ESRRG: variants seen among roughly 807,000 people sequenced by gnomAD.
ESRRG encodes the protein estrogen related receptor gamma.
A neutral mutation model predicts 44.0 loss-of-function variants in ESRRG; 13 were observed. That is an observed-to-expected ratio of 0.30 (90% CI 0.19 to 0.47). The LOEUF (loss-of-function observed/expected upper bound fraction) is 0.47. Ranked by LOEUF, ESRRG falls within the 20% of genes least tolerant of loss-of-function variation. ESRRG has a pLI of 1.00. For missense variants in ESRRG, 395 were observed against 580.6 expected (o/e 0.68, Z 3.29); for synonymous variants, 215 against 214.6 (o/e 1.00, Z -0.02).
chr1:216,985,594 C>T (rs1180886985), intron 1 of ESRRG, among the ~76,000 whole-genome samples: 1 of 152,154 alleles, frequency 6.6e-6, no homozygotes, highest in Non-Finnish European at 1.5e-5. Context: ...TGGAATAAAA[C>T]TCACCTCTTC....
intron 1 of ESRRG, among the ~76,000 whole-genome samples, chr1:217,001,427 A>G (rs894846580): frequency 1.6e-4 from 25 of 152,338 alleles, no homozygotes; most frequent in African/African-American, 6.0e-4. Flanking sequence ...CTACTCTTCC[A>G]TTAATAATTC....
chr1:217,103,929 G>C (rs552931082), intron 1 of ESRRG, among the ~76,000 whole-genome samples: 4 of 152,222 alleles, frequency 2.6e-5, no homozygotes, highest in Admixed American at 2.6e-4. Flanking sequence ...GAAATAGTAG[G>C]GGAAAATATC....
chr1:216,833,666 T>A (rs1353590665), intron 2 of ESRRG, among the ~76,000 whole-genome samples: 1 of 152,194 alleles, frequency 6.6e-6, no homozygotes, highest in East Asian at 1.9e-4. Context: ...AGAAAGATCA[T>A]CTGTCTAAAT....
At chr1:216,797,523 A>G (rs1435997421) in intron 2 of ESRRG, among the ~76,000 whole-genome samples, 6 of 152,002 alleles carry the variant, frequency 3.9e-5, no homozygotes, top group Non-Finnish European at 5.9e-5. Context: ...ATAAATTCCT[A>G]TTAGGAAAAC....
At chr1:216,615,535 G>A (rs1361374335) in intron 3 of ESRRG, among the ~76,000 whole-genome samples, 6 of 152,234 alleles carry the variant, frequency 3.9e-5, no homozygotes, top group African/African-American at 9.6e-5. Flanking sequence ...CCAGTTCTTG[G>A]CATTTCAGAG....
At chr1:217,085,495 T>A (rs2092029436) in intron 1 of ESRRG, among the ~76,000 whole-genome samples, 1 of 132,532 alleles carries the variant, frequency 7.5e-6, no homozygotes, top group Non-Finnish European at 1.6e-5. Flanking sequence ...TTTTTTTTTT[T>A]TTTTTTTTTT....
intron 1 of ESRRG, among the ~76,000 whole-genome samples, chr1:217,006,261 G>A (rs973814104): frequency 6.6e-6 from 1 of 152,026 alleles, no homozygotes; most frequent in Non-Finnish European, 1.5e-5. Flanking sequence ...ATAATATGAT[G>A]ATTAGGTAAT....
intron 2 of ESRRG, among the ~76,000 whole-genome samples, chr1:216,823,530 G>C (rs918440851): frequency 1.2e-4 from 18 of 151,984 alleles, no homozygotes; most frequent in African/African-American, 4.3e-4. Context: ...TTACTGCTTG[G>C]ATATGGGTTT....
chr1:216,749,661 T>C (rs551248387), intron 2 of ESRRG, among the ~76,000 whole-genome samples: 1 of 152,196 alleles, frequency 6.6e-6, no homozygotes, highest in Non-Finnish European at 1.5e-5. Context: ...TGAGCAATGC[T>C]ATTTTTAATA....
chr1:216,850,492 T>C (rs2095824832), intron 2 of ESRRG, among the ~76,000 whole-genome samples: 1 of 152,074 alleles, frequency 6.6e-6, no homozygotes, highest in Non-Finnish European at 1.5e-5. Context: ...ACCAAAACCT[T>C]ATGTAGAAGT....
chr1:216,769,740 T>C (rs182042799), intron 2 of ESRRG, among the ~76,000 whole-genome samples: 1 of 152,126 alleles, frequency 6.6e-6, no homozygotes, highest in East Asian at 1.9e-4. Context: ...TAAGGACAAA[T>C]TGTCAGGAAT....
chr1:217,045,768 C>T (rs748620306), intron 1 of ESRRG, among the ~76,000 whole-genome samples: 9 of 152,046 alleles, frequency 5.9e-5, no homozygotes, highest in Non-Finnish European at 7.4e-5. Context: ...TTCACCCAAC[C>T]GGTCAGAGAT....
At chr1:217,117,929 C>A (rs560607322) in intron 1 of ESRRG, among the ~76,000 whole-genome samples, 1 of 152,134 alleles carries the variant, frequency 6.6e-6, no homozygotes, top group South Asian at 2.1e-4. Flanking sequence ...GTTCAAAATT[C>A]TTTACATTTC....
intron 5 of ESRRG, among the ~76,000 whole-genome samples, chr1:216,563,070 G>A (rs2059078756): frequency 6.6e-6 from 1 of 152,144 alleles, no homozygotes; most frequent in Non-Finnish European, 1.5e-5. Context: ...GTCTTCTAAA[G>A]AATATACAAG....
At chr1:216,748,778 C>T (rs1036755494) in intron 2 of ESRRG, among the ~76,000 whole-genome samples, 6 of 152,108 alleles carry the variant, frequency 3.9e-5, no homozygotes, top group African/African-American at 9.7e-5. Flanking sequence ...AGGCAGACGA[C>T]GCACAGAAAG....
At chr1:216,567,823 T>C (rs1461129627) in intron 4 of ESRRG, among the ~76,000 whole-genome samples, 165 bp downstream of exon 4, 11 of 152,048 alleles carry the variant, frequency 7.2e-5, no homozygotes, top group Non-Finnish European at 1.0e-4. Context: ...ATAAGCTGAG[T>C]TGCTGTCGCT....
intron 1 of ESRRG, among the ~76,000 whole-genome samples, chr1:217,072,345 C>A (rs1285600250): frequency 6.6e-6 from 1 of 152,168 alleles, no homozygotes; most frequent in African/African-American, 2.4e-5. Flanking sequence ...AACCACTGAG[C>A]TACACTATTC....
intron 1 of ESRRG, among the ~76,000 whole-genome samples, chr1:216,686,465 A>T (rs1328763088): frequency 6.8e-6 from 1 of 147,914 alleles, no homozygotes; most frequent in African/African-American, 2.5e-5. Flanking sequence ...AAAAAAAAGA[A>T]AGGATTATTC....
chr1:216,632,732 T>A (rs1328440707), intron 3 of ESRRG, among the ~76,000 whole-genome samples: 2 of 152,058 alleles, frequency 1.3e-5, no homozygotes, highest in East Asian at 1.9e-4. Context: ...TATTTTTTTT[T>A]AATTCCAGAG....
Sources: allele counts gnomAD v4.1 joint callset (sites outside exome capture counted in the v4.1 genomes callset), GRCh38; gene constraint gnomAD v4.1.1; transcripts MANE v1.5; gene names NCBI Gene and HGNC (gene_info 2026-07-23, HGNC 2026-07-21).